Variants in EPSTI1 observed in about 807,000 individuals in gnomAD.
The protein encoded by EPSTI1 is epithelial stromal interaction 1, also known as epithelial-stromal interaction protein 1.
Under a neutral mutation model 49.9 loss-of-function variants are expected in EPSTI1, and 66 were observed. The ratio of observed to expected loss-of-function variants is 1.32; its 90% CI spans 1.08 to 1.62. The LOEUF (loss-of-function observed/expected upper bound fraction) is 1.62. Among genes scored for constraint, EPSTI1 ranks in the 40% most tolerant of loss-of-function variants. The pLI is 0.00. For synonymous variants in EPSTI1, 137 were observed against 130.7 expected (o/e 1.05, Z -0.33); for missense variants, 394 against 365.5 (o/e 1.08, Z -0.64).
chr13:42,891,632 G>A (rs140833051), intron 10 of EPSTI1, among the ~76,000 whole-genome samples: 116 of 151,836 alleles, frequency 7.6e-4, no homozygotes, highest in African/African-American at 2.7e-3. Context: ...TTTATACATC[G>A]TGATTTTAAA....
intron 8 of EPSTI1, among the ~76,000 whole-genome samples, chr13:42,915,476 G>A (rs2037803462): frequency 6.6e-6 from 1 of 152,176 alleles, no homozygotes; most frequent in Non-Finnish European, 1.5e-5. Flanking sequence ...AGGTTGCAGT[G>A]AGCCAAGATC....
At chr13:42,909,680 GA>G (rs538192608) in intron 8 of EPSTI1, among the ~76,000 whole-genome samples, 10 of 152,136 alleles carry the variant, frequency 6.6e-5, no homozygotes, top group African/African-American at 2.4e-4. Context: ...GCCAGGCACA[GA>G]AAGACAAATA....
intron 6 of EPSTI1, among the ~76,000 whole-genome samples, chr13:42,938,622 T>C (rs1439875592): frequency 6.6e-6 from 1 of 152,028 alleles, no homozygotes; most frequent in Non-Finnish European, 1.5e-5. Context: ...ACATTAAAAA[T>C]CTGTTGTTAG....
At chr13:42,928,819 A>G (rs900922737) in intron 6 of EPSTI1, among the ~76,000 whole-genome samples, 1 of 152,208 alleles carries the variant, frequency 6.6e-6, no homozygotes, top group Admixed American at 6.5e-5. Context: ...GTCTTGACCA[A>G]TGGAATGTGA....
chr13:42,982,090 T>C (rs2039996447), intron 1 of EPSTI1, among the ~76,000 whole-genome samples: 1 of 152,170 alleles, frequency 6.6e-6, no homozygotes, highest in East Asian at 1.9e-4. Flanking sequence ...TGGGCTGCAT[T>C]CCCAGACAGT....
At chr13:42,973,165 T>C (rs2039805927) in intron 1 of EPSTI1, among the ~76,000 whole-genome samples, 6 of 152,338 alleles carry the variant, frequency 3.9e-5, no homozygotes, top group Admixed American at 2.6e-4. Flanking sequence ...TTGTAAAAGA[T>C]TGTATTCTAC....
At chr13:42,953,489 T>G (rs1369122871) in intron 6 of EPSTI1, among the ~76,000 whole-genome samples, 2 of 152,246 alleles carry the variant, frequency 1.3e-5, no homozygotes, top group Non-Finnish European at 2.9e-5. Flanking sequence ...CCTTGGTGTA[T>G]GACCACCAGT....
chr13:42,894,204 T>C (rs1029332576), intron 10 of EPSTI1, among the ~76,000 whole-genome samples: 1 of 152,266 alleles, frequency 6.6e-6, no homozygotes, highest in Non-Finnish European at 1.5e-5. Flanking sequence ...CAAGTATTTA[T>C]TAAAGGAAGA....
chr13:42,894,804 G>A (rs2037142649), intron 10 of EPSTI1, among the ~76,000 whole-genome samples: 3 of 152,052 alleles, frequency 2.0e-5, no homozygotes, highest in African/African-American at 7.2e-5. Context: ...TGATTGGCCA[G>A]AGCTGAAATC....
chr13:42,895,247 T>C (rs1033519621), intron 9 of EPSTI1, 139 bp from the exon 10 acceptor site: 28 of 633,024 alleles, frequency 4.4e-5, no homozygotes, highest in Non-Finnish European at 3.2e-5. Flanking sequence ...CAGAAACTTC[T>C]CTTCACACTA....
intron 10 of EPSTI1, among the ~76,000 whole-genome samples, chr13:42,893,908 A>C: frequency 6.6e-6 from 1 of 152,220 alleles, no homozygotes; most frequent in Admixed American, 6.5e-5. Flanking sequence ...CACTATGTGT[A>C]CTTTGTATCA....
intron 1 of EPSTI1, among the ~76,000 whole-genome samples, chr13:42,990,829 T>C (rs189405701): frequency 5.5e-4 from 83 of 152,222 alleles, no homozygotes; most frequent in Admixed American, 1.7e-3. Flanking sequence ...TAGAAGTCGA[T>C]GAAAAAGGAG....
At chr13:42,929,384 T>C (rs1863926268) in intron 6 of EPSTI1, among the ~76,000 whole-genome samples, 1 of 152,202 alleles carries the variant, frequency 6.6e-6, no homozygotes, top group Non-Finnish European at 1.5e-5. Flanking sequence ...TACCCAATCA[T>C]AAAACTGTCC....
rs2039514306 is a variant in EPSTI1, at chr13:42,963,323, A to ATTC, written c.418_420dup (p.Glu140dup). The stretch of plus-strand genomic sequence containing the variant: ...TCAGCTTCCTTCTTGATTCTTACAG[A>ATTC]TTCTTCTCTTTTTAGCTAAATTGTA... On this transcript the variant is annotated inframe_insertion, in exon 5 of 11. Transcript: ENST00000313624. 1 of 1,612,012 alleles carries ATTC rather than the reference A, an allele frequency of 6.2e-7. No individual in the cohort carries two copies. The highest frequency in any genetic ancestry group is 8.5e-7 in the Non-Finnish European group (1 of 1,179,458).
chr13:42,975,526 G>A (rs191026033), intron 1 of EPSTI1, among the ~76,000 whole-genome samples: 8 of 152,172 alleles, frequency 5.3e-5, no homozygotes, highest in Admixed American at 1.3e-4. Context: ...GGAAATCATC[G>A]GGGCCTTTGT....
At chr13:42,971,758 T>C (rs2039773771) in intron 1 of EPSTI1, among the ~76,000 whole-genome samples, 4 of 152,222 alleles carry the variant, frequency 2.6e-5, no homozygotes, top group South Asian at 4.1e-4. Context: ...TATCTCATTA[T>C]TTTTCTAGCA....
At chr13:42,905,910 G>A (rs1401084980) in intron 8 of EPSTI1, among the ~76,000 whole-genome samples, 2 of 152,238 alleles carry the variant, frequency 1.3e-5, no homozygotes, top group Non-Finnish European at 2.9e-5. Flanking sequence ...TCTTATCACT[G>A]TGCTATGCAA....
chr13:42,957,903 T>C (rs2153429769), intron 5 of EPSTI1, among the ~76,000 whole-genome samples: 1 of 152,312 alleles, frequency 6.6e-6, no homozygotes, highest in South Asian at 2.1e-4. Flanking sequence ...AGAGCAAAAA[T>C]AAGTGAGGAA....
At chr13:42,892,608 C>G (rs950241119) in intron 10 of EPSTI1, among the ~76,000 whole-genome samples, 1 of 152,058 alleles carries the variant, frequency 6.6e-6, no homozygotes, top group African/African-American at 2.4e-5. Flanking sequence ...TATTACATAT[C>G]TTGGATAAGT....
Sources: allele counts gnomAD v4.1 joint callset (sites outside exome capture counted in the v4.1 genomes callset), GRCh38; gene constraint gnomAD v4.1.1; transcripts MANE v1.5; gene names NCBI Gene and HGNC (gene_info 2026-07-23, HGNC 2026-07-21).